SPACA1: variants seen among roughly 807,000 people sequenced by gnomAD.
The protein encoded by SPACA1 is sperm acrosome membrane-associated protein 1.
In SPACA1, 17 loss-of-function variants were observed where a neutral mutation model predicts 32.6. The ratio of observed to expected loss-of-function variants is 0.52; its 90% confidence interval spans 0.36 to 0.78. The LOEUF is 0.78. Among genes scored for constraint, SPACA1 ranks in the 30% least tolerant of loss-of-function variants. The pLI, the probability that SPACA1 is intolerant of heterozygous loss-of-function variation, is 0.01. For missense variants in SPACA1, 363 were observed against 373.4 expected (o/e 0.97, Z 0.23); for synonymous variants, 140 against 138.1 (o/e 1.01, Z -0.10).
Position 88,057,595 on chromosome 6 carries a change from T to A in SPACA1, c.266-17T>A, listed in dbSNP as rs556349892. On this transcript the variant is annotated splice_polypyrimidine_tract_variant and intron_variant, in intron 2 of 6. Transcript: ENST00000237201. ...GTTTTTTTCTTAACATTTGCCTTTT[T>A]AAATTTTAAACCAAAGGTATTGGTG... 1.3e-6 allele frequency: 2 copies of A among 1,595,626 alleles called. No individual in the cohort carries two copies. Among genetic ancestry groups the A allele is most frequent in the Admixed American group, 1.7e-5 (1 of 59,986 alleles).
intron 1 of SPACA1, among the ~76,000 whole-genome samples, chr6:88,053,715 C>A (rs1467556025): frequency 6.6e-6 from 1 of 151,998 alleles, no homozygotes; most frequent in Non-Finnish European, 1.5e-5. Context: ...TAAATATAAA[C>A]CTTCCTATTA....
At position 88,066,167 on chromosome 6, in the gene SPACA1, T is replaced by G. The variant is rs1227179716; in HGVS notation, c.732-15T>G. On this transcript the variant is annotated splice_polypyrimidine_tract_variant and intron_variant, in intron 6 of 6. Transcript: ENST00000237201. Reference sequence around the variant, plus strand: ...CACTTCATATGGTGGTTTTGGTTTTTGTTTTTTCTTCCAGGGCAGCAGTCA... The same window carrying G: ...CACTTCATATGGTGGTTTTGGTTTTGGTTTTTTCTTCCAGGGCAGCAGTCA... The G allele has an allele frequency of 9.7e-6, 15 of 1,548,368 alleles. No homozygotes were observed. Among genetic ancestry groups the G allele is most frequent in the Admixed American group, 2.1e-5 (1 of 48,200 alleles).
At chr6:88,058,887 G>A in intron 4 of SPACA1, 65 bp downstream of exon 4, 1 of 1,072,930 alleles carries the variant, frequency 9.3e-7, no homozygotes. Flanking sequence ...TCTCAGTTCT[G>A]ATGGCTTTCA....
chr6:88,055,249 CT>C (rs1234224316), intron 2 of SPACA1, among the ~76,000 whole-genome samples: 1 of 152,132 alleles, frequency 6.6e-6, no homozygotes, highest in Non-Finnish European at 1.5e-5. Flanking sequence ...AGAAATTGTA[CT>C]CACTCAAATG....
chr6:88,059,661 G>T (rs1434968795), intron 5 of SPACA1, 73 bp downstream of exon 5: 2 of 1,425,250 alleles, frequency 1.4e-6, no homozygotes, highest in African/African-American at 1.5e-5. Flanking sequence ...TTAGAGGCTT[G>T]TTAAAACACC....
chr6:88,053,960 G>C lies in SPACA1; in HGVS notation c.223G>C (p.Val75Leu), dbSNP rs756940501. ...TTTATGTTTAGTTTCAAATAGGAAT[G>C]TCGTCAAAGAAGTAGAATTCGGAAT... ...PETEDVSNRN[V>L]VKEVEFGMCT... The change falls in exon 2 of 7, where the codon GTC becomes CTC. Residue 75 changes from valine (V) to leucine (L), a missense_variant. Coordinates refer to ENST00000237201, the MANE Select transcript of SPACA1 (RefSeq NM_030960.3). The C allele has an allele frequency of 3.1e-6, 5 of 1,613,302 alleles. No individual in the cohort carries two copies. The highest frequency in any genetic ancestry group is 4.2e-6 in the Non-Finnish European group (5 of 1,179,606).
intron 1 of SPACA1, among the ~76,000 whole-genome samples, chr6:88,053,185 C>T (rs1001310063): frequency 2.0e-5 from 3 of 152,170 alleles, no homozygotes; most frequent in African/African-American, 4.8e-5. Flanking sequence ...GACTCCAGTT[C>T]GATGTGTTTT....
At chr6:88,063,992 ATTTC>A in intron 5 of SPACA1, 103 bp from the exon 6 acceptor site, 1 of 1,294,312 alleles carries the variant, frequency 7.7e-7, no homozygotes, top group Non-Finnish European at 1.0e-6. Flanking sequence ...TGCACTAAGC[ATTTC>A]TTTATGTTTC....
rs749302075 is a variant in SPACA1, at chr6:88,066,349, T to C, written c.*14T>C. ...TGGAATGAATGATGTTTGAATGATA[T>C]ATAACAAACCAAAGGATATTACAGA... On this transcript the variant is annotated 3_prime_UTR_variant, in exon 7 of 7. Coordinates refer to ENST00000237201, the MANE Select transcript of SPACA1 (RefSeq NM_030960.3). 6.3e-6 allele frequency: 10 copies of C among 1,597,110 alleles called. No homozygotes were observed. Among genetic ancestry groups the C allele is most frequent in the Admixed American group, 1.7e-5 (1 of 57,236 alleles).
At position 88,049,484 on chromosome 6, in the gene SPACA1, T is replaced by A. The variant is rs115014933; in HGVS notation, c.208+1371T>A. On this transcript the variant is annotated intron_variant, in intron 1 of 6. Coordinates refer to ENST00000237201, the MANE Select transcript of SPACA1 (RefSeq NM_030960.3). ...TGCTTTTTCTTGGGGAGCGAGAGAA[T>A]CCAAAACTTTAAACAATCTGAGGTG... Among the ~76,000 whole-genome samples the A allele has an allele frequency of 8.3e-3, 1,261 of 152,264 alleles. 13 individuals carry two copies. Among genetic ancestry groups the A allele is most frequent in the African/African-American group, 0.023 (975 of 41,544 alleles).
chr6:88,056,736 T>C (rs918133384), intron 2 of SPACA1, among the ~76,000 whole-genome samples: 3 of 152,182 alleles, frequency 2.0e-5, no homozygotes, highest in Admixed American at 6.5e-5. Flanking sequence ...AAAAATGGAC[T>C]CTTTCTTAGC....
chr6:88,048,414 A>G (rs1775677083), intron 1 of SPACA1, among the ~76,000 whole-genome samples: 1 of 152,128 alleles, frequency 6.6e-6, no homozygotes, highest in South Asian at 2.1e-4. Flanking sequence ...TAGCCTTCCA[A>G]CAAGAGGAAT....
intron 3 of SPACA1, 84 bp from the exon 4 acceptor site, chr6:88,058,632 C>T: frequency 6.6e-6 from 6 of 908,976 alleles, no homozygotes; most frequent in Middle Eastern, 3.4e-4. Flanking sequence ...GAACCAGATC[C>T]TGTCTCAGGA....
At chr6:88,062,172 G>A (rs572409025) in intron 5 of SPACA1, among the ~76,000 whole-genome samples, 2 of 152,284 alleles carry the variant, frequency 1.3e-5, no homozygotes, top group Non-Finnish European at 2.9e-5. Context: ...TATTTAGCGA[G>A]ATCCCTAACT....
chr6:88,050,081 T>C (rs961906693), intron 1 of SPACA1, among the ~76,000 whole-genome samples: 2 of 152,246 alleles, frequency 1.3e-5, no homozygotes, highest in African/African-American at 4.8e-5. Flanking sequence ...TACATAATCT[T>C]TTCTTTCAGT....
chr6:88,061,316 T>C (rs1775893381), intron 5 of SPACA1, among the ~76,000 whole-genome samples: 1 of 152,084 alleles, frequency 6.6e-6, no homozygotes. Flanking sequence ...TATTTGGAAA[T>C]AGGACTTTTT....
At chr6:88,052,901 A>G (rs1237655886) in intron 1 of SPACA1, among the ~76,000 whole-genome samples, 1 of 152,200 alleles carries the variant, frequency 6.6e-6, no homozygotes, top group Non-Finnish European at 1.5e-5. Flanking sequence ...TTATGAAGCT[A>G]TTTTGAGATT....
chr6:88,058,478 A>G (rs971283626), intron 3 of SPACA1, among the ~76,000 whole-genome samples: 6 of 152,046 alleles, frequency 3.9e-5, no homozygotes, highest in Admixed American at 3.3e-4. Flanking sequence ...TCTCTACAAA[A>G]TTTTGTTTTA....
At chr6:88,064,378 C>T in intron 6 of SPACA1, 159 bp downstream of exon 6, 1 of 573,026 alleles carries the variant, frequency 1.7e-6, no homozygotes, top group Non-Finnish European at 2.8e-6. Context: ...CTAGTTCAGG[C>T]TGCCCCGTCT....
Sources: gnomAD v4.1 joint callset for allele counts (sites outside exome capture counted in the v4.1 genomes callset) on GRCh38, gnomAD v4.1.1 for gene constraint, MANE v1.5 for transcripts, NCBI Gene and HGNC (gene_info 2026-07-23, HGNC 2026-07-21) for gene names.